Variants in MAPKAP1 observed in about 807,000 individuals in gnomAD.
MAPKAP1 encodes target of rapamycin complex 2 subunit MAPKAP1.
A neutral mutation model predicts 65.7 loss-of-function variants in MAPKAP1; 20 were observed. That is an observed-to-expected ratio of 0.30 (90% CI 0.21 to 0.44). The LOEUF (loss-of-function observed/expected upper bound fraction) is 0.44. Among genes scored for constraint, MAPKAP1 ranks in the 20% least tolerant of loss-of-function variants. MAPKAP1 has a pLI of 1.00. For synonymous variants in MAPKAP1, 222 were observed against 244.3 expected (o/e 0.91, Z 0.85); for missense variants, 423 against 648.0 (o/e 0.65, Z 3.77).
At position 125,672,620 on chromosome 9, in the gene MAPKAP1, A is replaced by G; in HGVS notation, c.-46T>C. ...CTTAAAAGGCTATTTTCTCCTCTTC[A>G]TATTGTTTCACGAGCTCACCTACCT... On this transcript the variant is annotated 5_prime_UTR_variant, in exon 2 of 12. It removes an upstream start codon present in the reference 5' UTR. Transcript: ENST00000265960. The G allele has an allele frequency of 1.3e-6, 2 of 1,599,594 alleles. No individual in the cohort carries two copies. The highest frequency in any genetic ancestry group is 2.2e-5 in the East Asian group (1 of 44,704).
rs561226782 is a variant in MAPKAP1 at position 125,643,210 on chromosome 9, G to C, written c.498+14441C>G. Among the ~76,000 whole-genome samples, 32 of 133,642 alleles carry C rather than the reference G, an allele frequency of 2.4e-4. No homozygotes were observed. The South Asian group carries it at 2.9e-3, about 12-fold the overall frequency. The allele number at this position is 133,642 out of a possible 152,430, so 87.7% of individuals were successfully genotyped here. A position where few individuals can be genotyped will look rare whatever the true frequency, so the allele number is the denominator to read the frequency against. On this transcript the variant is annotated intron_variant, in intron 4 of 11. Transcript: ENST00000265960. Reference sequence around the variant, plus strand: ...CCACCACGCCCAGCGTTTTTTTTTTGGGGGGAGGGAGTCTCACTCTGTCAC... The same window carrying C: ...CCACCACGCCCAGCGTTTTTTTTTTCGGGGGAGGGAGTCTCACTCTGTCAC...
In MAPKAP1 at chr9:125,437,475, C is replaced by T. The variant is rs1852330123; in HGVS notation, c.*1412G>A. ...ATTTAATGACCAAATTAGTCATTTA[C>T]ATTTTTCAAAGTATCTAAATATAAA... On this transcript the variant is annotated 3_prime_UTR_variant, in exon 12 of 12. Coordinates refer to ENST00000265960, the MANE Select transcript of MAPKAP1 (RefSeq NM_001006617.3). 1.3e-5 allele frequency: 2 copies of T among 152,546 alleles called. No homozygotes were observed. Among genetic ancestry groups the T allele is most frequent in the Admixed American group, 1.3e-4 (2 of 15,278 alleles). 9.4% of individuals were successfully genotyped at this position (152,546 alleles called of 1,614,324 possible). A position where few individuals can be genotyped will look rare whatever the true frequency, so the allele number is the denominator to read the frequency against.
intron 10 of MAPKAP1, among the ~76,000 whole-genome samples, chr9:125,459,587 C>T (rs184661462): frequency 0.035 from 5,335 of 151,778 alleles, 112 homozygotes; most frequent in South Asian, 0.057. Context: ...CCGAGGCTGG[C>T]GGATCACTCG....
intron 11 of MAPKAP1, among the ~76,000 whole-genome samples, chr9:125,441,869 T>A (rs548531606): frequency 1.7e-3 from 263 of 152,260 alleles, no homozygotes; most frequent in African/African-American, 5.7e-3. Flanking sequence ...GGCTCATGTC[T>A]TTAATCTCAG....
At chr9:125,485,909 C>T (rs1276201989) in intron 8 of MAPKAP1, among the ~76,000 whole-genome samples, 1 of 152,120 alleles carries the variant, frequency 6.6e-6, no homozygotes, top group Non-Finnish European at 1.5e-5. Context: ...AATATGTATG[C>T]TTCATAAGAG....
At chr9:125,609,407 A>C (rs1356181183) in intron 4 of MAPKAP1, among the ~76,000 whole-genome samples, 1 of 152,236 alleles carries the variant, frequency 6.6e-6, no homozygotes, top group Non-Finnish European at 1.5e-5. Flanking sequence ...AATCCTTAAG[A>C]AATCCCACTC....
At chr9:125,696,666 G>A (rs1234193327) in intron 1 of MAPKAP1, among the ~76,000 whole-genome samples, 1 of 150,976 alleles carries the variant, frequency 6.6e-6, no homozygotes, top group African/African-American at 2.4e-5. Context: ...ACAAACTTAT[G>A]TAACTGAGGA....
At chr9:125,585,503 G>A (rs1305992946) in intron 5 of MAPKAP1, 52 bp downstream of exon 5, 2 of 1,583,450 alleles carry the variant, frequency 1.3e-6, no homozygotes, top group East Asian at 2.2e-5. Flanking sequence ...AGACACCTTG[G>A]GTGGCCAAAA....
intron 1 of MAPKAP1, among the ~76,000 whole-genome samples, chr9:125,698,307 ATATAT>A (rs1468642916): frequency 7.1e-4 from 38 of 53,216 alleles, no homozygotes; most frequent in East Asian, 2.1e-3. Flanking sequence ...ATATATATAT[ATATAT>A]ATATATATAT....
chr9:125,674,967 GA>G (rs892085047), intron 1 of MAPKAP1, among the ~76,000 whole-genome samples: 4 of 151,758 alleles, frequency 2.6e-5, no homozygotes, highest in Admixed American at 2.6e-4. Context: ...ATATTGATCA[GA>G]AAAAAATATG....
chr9:125,625,223 CAAG>C lies in MAPKAP1; in HGVS notation c.498+32425_498+32427del, dbSNP rs1429917644. ...CAAATCCCCCTCTGTGAGAAACACCCAAGAATTATCAATAAAAAAAAAATAAAT... is the reference window on the plus strand; with the variant it reads ...CAAATCCCCCTCTGTGAGAAACACCCAATTATCAATAAAAAAAAAATAAAT... On this transcript the variant is annotated intron_variant, in intron 4 of 11. Transcript: ENST00000265960. Among the ~76,000 whole-genome samples the C allele has an allele frequency of 2.7e-3, 131 of 48,634 alleles. 1 individual carries two copies. Among genetic ancestry groups the C allele is most frequent in the African/African-American group, 8.9e-3 (127 of 14,282 alleles). 31.9% of individuals were successfully genotyped at this position (48,634 alleles called of 152,430 possible).
At chr9:125,469,962 C>A (rs922379608) in intron 9 of MAPKAP1, among the ~76,000 whole-genome samples, 8 of 152,020 alleles carry the variant, frequency 5.3e-5, no homozygotes, top group Non-Finnish European at 1.0e-4. Context: ...CCTTCTTCTT[C>A]TTATTTTGAC....
At chr9:125,688,524 A>G (rs1055232145) in intron 1 of MAPKAP1, among the ~76,000 whole-genome samples, 1 of 152,156 alleles carries the variant, frequency 6.6e-6, no homozygotes, top group African/African-American at 2.4e-5. Flanking sequence ...ATAATACTAT[A>G]ATTAGGGTGA....
At chr9:125,506,922 A>G (rs913183919) in intron 7 of MAPKAP1, among the ~76,000 whole-genome samples, 5 of 151,850 alleles carry the variant, frequency 3.3e-5, no homozygotes, top group African/African-American at 1.2e-4. Context: ...ATAACAGTCC[A>G]AAAAATTCAA....
At chr9:125,669,008 C>T (rs1387963483) in intron 3 of MAPKAP1, among the ~76,000 whole-genome samples, 2 of 151,876 alleles carry the variant, frequency 1.3e-5, no homozygotes, top group Non-Finnish European at 2.9e-5. Context: ...GGTGAAACTC[C>T]ATCTCTACTA....
chr9:125,666,708 G>A (rs1012100913), intron 3 of MAPKAP1, among the ~76,000 whole-genome samples: 3 of 152,188 alleles, frequency 2.0e-5, no homozygotes, highest in Non-Finnish European at 2.9e-5. Context: ...GGCATTTCTT[G>A]CTGAGAGAGT....
chr9:125,518,242 G>A (rs1352233430), intron 7 of MAPKAP1, among the ~76,000 whole-genome samples: 2 of 152,130 alleles, frequency 1.3e-5, no homozygotes, highest in South Asian at 2.1e-4. Context: ...AATAAATTAT[G>A]GTATATCTAT....
chr9:125,533,407 G>C (rs1829987369), intron 7 of MAPKAP1, among the ~76,000 whole-genome samples: 1 of 152,018 alleles, frequency 6.6e-6, no homozygotes, highest in Non-Finnish European at 1.5e-5. Context: ...TGGGGAAAAG[G>C]GCATTCTCAC....
rs142205160 is a variant in MAPKAP1 at position 125,556,526 on chromosome 9, G to A, written c.848+3107C>T. 3.1e-3 allele frequency among the ~76,000 whole-genome samples: 474 copies of A among 152,316 alleles called. 2 individuals are homozygous for A. The highest frequency in any genetic ancestry group is 6.8e-3 in the Middle Eastern group (2 of 294). ...AAAAACTGGGCTATTTTGGGATTAA[G>A]TGAGATAGCATATGCATAGTTGGCC... On this transcript the variant is annotated intron_variant, in intron 6 of 11. Transcript: ENST00000265960.
Sources: allele counts gnomAD v4.1 joint callset (sites outside exome capture counted in the v4.1 genomes callset), GRCh38; gene constraint gnomAD v4.1.1; transcripts MANE v1.5; gene names NCBI Gene and HGNC (gene_info 2026-07-23, HGNC 2026-07-21).